CAMTA1: variants seen among roughly 807,000 people sequenced by gnomAD.
The protein encoded by CAMTA1 is calmodulin-binding transcription activator 1.
Under a neutral mutation model 170.9 loss-of-function variants are expected in CAMTA1, and 27 were observed. The ratio of observed to expected loss-of-function variants is 0.16; its 90% CI spans 0.12 to 0.22. The LOEUF (loss-of-function observed/expected upper bound fraction) is 0.22, where lower values mean the gene tolerates loss of function less well. Among genes scored for constraint, CAMTA1 ranks in the 10% least tolerant of loss-of-function variants. The pLI is 1.00. For synonymous variants in CAMTA1, 833 were observed against 891.5 expected, an observed-to-expected ratio of 0.93 and a Z score of 1.17; for missense variants, 1,619 against 2,217.2, an observed-to-expected ratio of 0.73 and a Z score of 5.42.
intron 3 of CAMTA1, among the ~76,000 whole-genome samples, chr1:6,829,430 T>A (rs1245835453): frequency 3.3e-5 from 5 of 152,184 alleles, no homozygotes; most frequent in Admixed American, 2.0e-4. Context: ...AAATGTTACA[T>A]CTGAAACCAA....
At chr1:7,449,131 C>A (rs2092750647) in intron 5 of CAMTA1, among the ~76,000 whole-genome samples, 1 of 152,184 alleles carries the variant, frequency 6.6e-6, no homozygotes, top group Non-Finnish European at 1.5e-5. Flanking sequence ...AGGAAAACAG[C>A]AAAGAAAGAA....
intron 3 of CAMTA1, among the ~76,000 whole-genome samples, chr1:6,914,162 C>T (rs534262384): frequency 1.3e-4 from 18 of 142,094 alleles, no homozygotes; most frequent in African/African-American, 2.3e-4. Context: ...TGGAGTGCAA[C>T]GGCGTGATCT....
chr1:7,738,329 T>C lies in CAMTA1; in HGVS notation c.4029T>C (p.Ser1343=), dbSNP rs2150010810. Residue 1343 remains serine, a synonymous_variant, in exon 16 of 23, where the codon AGT becomes AGC. Transcript: ENST00000303635. The surrounding 1 kb of genome is among the most constrained non-coding windows in gnomAD (Gnocchi z 4.9). The stretch of plus-strand genomic sequence containing the variant: ...TGACTGGAAATCCGAAGGGGACCAG[T>C]GTAGGAAAGGAGGCAGCACCTTCAC... ...VQVTGNPKGT[S]VGKEAAPSQV... is the part of the protein sequence containing the mutation. The C allele has an allele frequency of 6.2e-7, 1 of 1,614,124 alleles. No homozygotes were observed. Among genetic ancestry groups the C allele is most frequent in the Non-Finnish European group, 8.5e-7 (1 of 1,180,022 alleles).
At chr1:7,671,743 G>C (rs2096062273) in intron 10 of CAMTA1, among the ~76,000 whole-genome samples, 1 of 152,132 alleles carries the variant, frequency 6.6e-6, no homozygotes. Flanking sequence ...TGCTGTCCCT[G>C]TGCCTCTGAA....
intron 11 of CAMTA1, among the ~76,000 whole-genome samples, chr1:7,692,892 C>T (rs184396999): frequency 2.7e-4 from 41 of 152,200 alleles, no homozygotes; most frequent in Admixed American, 6.5e-4. Flanking sequence ...AGGGGGCACA[C>T]GGAACAACAC....
intron 6 of CAMTA1, among the ~76,000 whole-genome samples, chr1:7,640,180 G>C (rs2095749631): frequency 6.6e-6 from 1 of 152,190 alleles, no homozygotes; most frequent in South Asian, 2.1e-4. Flanking sequence ...GGGGCCTAAT[G>C]ACATCTAGTG....
At chr1:7,478,065 A>G (rs1166526337) in intron 6 of CAMTA1, among the ~76,000 whole-genome samples, 1 of 152,204 alleles carries the variant, frequency 6.6e-6, no homozygotes, top group African/African-American at 2.4e-5. Context: ...GAATGGGAAG[A>G]TGAATTGAGC....
intron 3 of CAMTA1, among the ~76,000 whole-genome samples, chr1:7,018,558 C>T (rs750378866): frequency 1.3e-5 from 2 of 152,106 alleles, no homozygotes; most frequent in Non-Finnish European, 2.9e-5. Flanking sequence ...TCCCGCTTCT[C>T]CTTGCCAAGT....
intron 3 of CAMTA1, among the ~76,000 whole-genome samples, chr1:7,086,798 T>C (rs1302995396): frequency 6.6e-6 from 1 of 152,258 alleles, no homozygotes; most frequent in African/African-American, 2.4e-5. Context: ...TGACACATTT[T>C]GTTTCTTCAT....
Position 7,532,333 on chromosome 1 carries a change from A to C in CAMTA1, c.510+64432A>C. Among the ~76,000 whole-genome samples, 1 of 150,594 alleles carries C rather than the reference A, an allele frequency of 6.6e-6. No homozygotes were observed. The highest frequency in any genetic ancestry group is 1.5e-5 in the Non-Finnish European group (1 of 67,682). On this transcript the variant is annotated intron_variant, in intron 6 of 22. Coordinates refer to ENST00000303635, the MANE Select transcript of CAMTA1 (RefSeq NM_015215.4). The surrounding 1 kb of genome is among the most constrained non-coding windows in gnomAD (Gnocchi z 4.2). The stretch of plus-strand genomic sequence containing the variant: ...TATTTTTTTTTTAGAGACAGATTTC[A>C]CTCTGTTGCCCAGACTGGAGTGCAG...
chr1:7,223,880 T>C (rs1366587356), intron 4 of CAMTA1, among the ~76,000 whole-genome samples: 1 of 152,200 alleles, frequency 6.6e-6, no homozygotes, highest in African/African-American at 2.4e-5. Flanking sequence ...TGTATTTACA[T>C]GTATTTATTA....
intron 6 of CAMTA1, among the ~76,000 whole-genome samples, chr1:7,524,949 C>CA (rs2094413404): frequency 6.6e-6 from 1 of 152,192 alleles, no homozygotes; most frequent in Non-Finnish European, 1.5e-5. Flanking sequence ...GTGGACCATT[C>CA]ACACATTCAC....
chr1:7,386,888 A>G (rs555581412), intron 5 of CAMTA1, among the ~76,000 whole-genome samples: 1 of 152,236 alleles, frequency 6.6e-6, no homozygotes, highest in African/African-American at 2.4e-5. Context: ...CTTTGGTTCC[A>G]TCTCACGGCA....
chr1:7,472,190 G>A (rs575215971), intron 6 of CAMTA1, among the ~76,000 whole-genome samples: 3 of 152,316 alleles, frequency 2.0e-5, no homozygotes, highest in Admixed American at 1.3e-4. Flanking sequence ...GCAAGAGCAC[G>A]GCTGCGGGGA....
chr1:7,558,049 T>G (rs2094903655), intron 6 of CAMTA1, among the ~76,000 whole-genome samples: 1 of 152,136 alleles, frequency 6.6e-6, no homozygotes, highest in Non-Finnish European at 1.5e-5. Context: ...TGAGGTAAAG[T>G]GATAACCAGG....
At chr1:7,525,754 G>A (rs2094424242) in intron 6 of CAMTA1, among the ~76,000 whole-genome samples, 1 of 152,138 alleles carries the variant, frequency 6.6e-6, no homozygotes, top group South Asian at 2.1e-4. Context: ...CACAGCCAAG[G>A]GTGGGCAGCC....
intron 3 of CAMTA1, among the ~76,000 whole-genome samples, chr1:6,966,979 C>G (rs138215254): frequency 6.6e-6 from 1 of 151,396 alleles, no homozygotes; most frequent in South Asian, 2.1e-4. Flanking sequence ...CGGTGGCTCA[C>G]GCCTGTAATC....
At chr1:6,845,870 A>C (rs1408041508) in intron 3 of CAMTA1, among the ~76,000 whole-genome samples, 2 of 152,212 alleles carry the variant, frequency 1.3e-5, no homozygotes, top group Admixed American at 1.3e-4. Context: ...CATACCTGAG[A>C]CTGGATAATT....
rs147598889 is a variant in CAMTA1 at position 7,593,770 on chromosome 1, C to A, written c.511-46630C>A. Among the ~76,000 whole-genome samples the A allele has an allele frequency of 3.6e-3, 534 of 148,814 alleles. 4 individuals are homozygous for A. The highest frequency in any genetic ancestry group is 0.013 in the African/African-American group (518 of 40,706). The stretch of plus-strand genomic sequence containing the variant: ...CCTCCCAAACTGTTGAGATTACAGG[C>A]GTGAACCACTGTACCTGGCCCCTAA... On this transcript the variant is annotated intron_variant, in intron 6 of 22. Transcript: ENST00000303635.
Sources: allele counts gnomAD v4.1 joint callset (sites outside exome capture counted in the v4.1 genomes callset), GRCh38; gene constraint gnomAD v4.1.1; non-coding constraint Gnocchi (gnomAD v3.1); transcripts MANE v1.5; gene names NCBI Gene and HGNC (gene_info 2026-07-23, HGNC 2026-07-21).